The following PCYT1A variants were observed in gnomAD, a reference collection of about 807,000 sequenced individuals.
PCYT1A encodes the protein phosphate cytidylyltransferase 1A, choline.
A neutral mutation model predicts 43.7 loss-of-function variants in PCYT1A; 25 were observed. The observed-to-expected ratio is 0.57, with a 90% CI of 0.42 to 0.80. The LOEUF (loss-of-function observed/expected upper bound fraction) is 0.80. Ranked by LOEUF, PCYT1A falls within the 30% of genes least tolerant of loss-of-function variation. The pLI, the probability that PCYT1A is intolerant of heterozygous loss-of-function variation, is 0.00. For missense variants in PCYT1A, 421 were observed against 474.2 expected (o/e 0.89, Z 1.04); for synonymous variants, 172 against 170.7 (o/e 1.01, Z -0.06).
Position 196,238,878 on chromosome 3 carries a change from T to C in PCYT1A, c.914A>G (p.Glu305Gly). 6.9e-7 allele frequency: 1 copy of C among 1,447,896 alleles called. No homozygotes were observed. The highest frequency in any genetic ancestry group is 9.1e-7 in the Non-Finnish European group (1 of 1,098,650). The allele number at this position is 1,447,896 out of a possible 1,614,324, so 89.7% of individuals were successfully genotyped here. ...GGCCTGCAGCATCCGGCCCTTCCCCTCTTTCAGCATATGTTTCTGCAGAAA... is the reference window on the plus strand; with the variant it reads ...GGCCTGCAGCATCCGGCCCTTCCCCCCTTTCAGCATATGTTTCTGCAGAAA... Reference protein sequence around the residue: ...PEGALKHMLKEGKGRMLQAIS... With the variant: ...PEGALKHMLKGGKGRMLQAIS... Residue 305 changes from glutamate (E) to glycine (G), a missense_variant, in exon 9 of 9, where the codon GAG becomes GGG. By Grantham distance (98) the Glu-to-Gly change is moderately conservative. Around this residue, in one of 3 missense-constraint regions of PCYT1A, gnomAD observed 108 missense variants for 85.7 expected, o/e 1.26. Transcript: ENST00000431016.
At chr3:196,276,710 A>G (rs1725601407) in intron 1 of PCYT1A, among the ~76,000 whole-genome samples, 1 of 152,210 alleles carries the variant, frequency 6.6e-6, no homozygotes, top group South Asian at 2.1e-4. Context: ...TGCTTATGAT[A>G]TAAAAATGCT....
Position 196,259,911 on chromosome 3 carries a change from C to CTTTT in PCYT1A, c.118-2028_118-2025dup, listed in dbSNP as rs779918737. Reference sequence around the variant, plus strand: ...ACTTAATGATATAAATGGAAACATTCTTTTTTTTTTTTTTTTTTTTTTTTT... The same window carrying CTTTT: ...ACTTAATGATATAAATGGAAACATTCTTTTTTTTTTTTTTTTTTTTTTTTTTTTT... On this transcript the variant is annotated intron_variant, in intron 2 of 8. Coordinates refer to ENST00000431016, the MANE Select transcript of PCYT1A (RefSeq NM_001312673.2). Among the ~76,000 whole-genome samples, 32 of 48,962 alleles carry CTTTT rather than the reference C, an allele frequency of 6.5e-4. 2 individuals carry two copies. The highest frequency in any genetic ancestry group is 9.1e-4 in the Non-Finnish European group (24 of 26,410). 32.1% of individuals were successfully genotyped at this position (48,962 alleles called of 152,430 possible). A position where few individuals can be genotyped will look rare whatever the true frequency, so the allele number is the denominator to read the frequency against.
intron 3 of PCYT1A, among the ~76,000 whole-genome samples, chr3:196,249,820 C>T (rs1240458061): frequency 6.6e-6 from 1 of 152,044 alleles, no homozygotes; most frequent in Non-Finnish European, 1.5e-5. Context: ...ACCAGATACA[C>T]TATGCTGAGG....
At chr3:196,253,879 T>C (rs1191670154) in intron 3 of PCYT1A, among the ~76,000 whole-genome samples, 2 of 151,366 alleles carry the variant, frequency 1.3e-5, no homozygotes, top group South Asian at 2.1e-4. Context: ...ATGTATGTTA[T>C]AGTATATATA....
chr3:196,267,388 T>G (rs1008753772), intron 2 of PCYT1A: 2 of 454,218 alleles, frequency 4.4e-6, no homozygotes, highest in African/African-American at 4.0e-5. Context: ...GGGGAGTGAC[T>G]GCTAATGAGT....
chr3:196,243,327 CA>C (rs35854110), intron 5 of PCYT1A: 152 of 131,308 alleles, frequency 1.2e-3, no homozygotes, highest in Middle Eastern at 8.0e-3. Flanking sequence ...GACTCTGTCT[CA>C]AAAAAAAAAA....
chr3:196,280,494 T>C (rs1180515324), intron 1 of PCYT1A, among the ~76,000 whole-genome samples: 2 of 152,046 alleles, frequency 1.3e-5, no homozygotes, highest in Non-Finnish European at 2.9e-5. Context: ...ACAATGTAAA[T>C]ACTATGTAAC....
At position 196,273,037 on chromosome 3, in the gene PCYT1A, G is replaced by A. The variant is rs569924214; in HGVS notation, c.-10-2496C>T. Among the ~76,000 whole-genome samples, 21 of 152,328 alleles carry A rather than the reference G, an allele frequency of 1.4e-4. No individual in the cohort carries two copies. Among genetic ancestry groups the A allele is most frequent in the Admixed American group, 3.3e-4 (5 of 15,294 alleles). On this transcript the variant is annotated intron_variant, in intron 1 of 8. Transcript: ENST00000431016. This position sits in a 1 kb window ranked among gnomAD's most constrained non-coding sequence, Gnocchi z 4.1. ...AGGTGCACAGGCGAGCCAGCACAGG[G>A]TCCGGCCACTGCGCACAGCCAGGCA...
rs1725345080 is a variant in PCYT1A at position 196,268,643 on chromosome 3, T to C, written c.117+1772A>G. Among the ~76,000 whole-genome samples the C allele has an allele frequency of 1.3e-5, 2 of 151,546 alleles. No individual in the cohort carries two copies. The highest frequency in any genetic ancestry group is 2.1e-4 in the South Asian group (1 of 4,804). On this transcript the variant is annotated intron_variant, in intron 2 of 8. Transcript: ENST00000431016. The surrounding 1 kb of genome is among the most constrained non-coding windows in gnomAD (Gnocchi z 4.4). ...CTAAAAATAAAAATAAAAATAAAAA[T>C]AGTAAGCCAGGCATGGTGGTGGGCA...
At chr3:196,246,904 G>A (rs1295865738) in intron 5 of PCYT1A, among the ~76,000 whole-genome samples, 2 of 150,368 alleles carry the variant, frequency 1.3e-5, no homozygotes, top group Non-Finnish European at 3.0e-5. Context: ...AATTTGTGGC[G>A]AGTTCAGTTC....
chr3:196,274,803 G>A (rs1725541141), intron 1 of PCYT1A, among the ~76,000 whole-genome samples: 1 of 152,180 alleles, frequency 6.6e-6, no homozygotes. Flanking sequence ...GACACCCCAT[G>A]AGTCATGGCC....
At chr3:196,280,981 A>G (rs534290708) in intron 1 of PCYT1A, among the ~76,000 whole-genome samples, 26 of 152,330 alleles carry the variant, frequency 1.7e-4, no homozygotes, top group African/African-American at 5.1e-4. Context: ...TTGACCAATT[A>G]CTACAAGGAA....
intron 1 of PCYT1A, among the ~76,000 whole-genome samples, chr3:196,286,728 A>G (rs905488300): frequency 6.6e-6 from 1 of 152,316 alleles, no homozygotes; most frequent in South Asian, 2.1e-4. Flanking sequence ...AGCCTGGCCA[A>G]CATGGAGAAT....
chr3:196,238,833 G>A lies in PCYT1A; in HGVS notation c.959C>T (p.Pro320Leu), dbSNP rs183054905. ...GCGCTCGCGAGTAGGGCTGCTGCTGGGGCTCTGCTTCGGGCTGATGGCCTG... is the reference window on the plus strand; with the variant it reads ...GCGCTCGCGAGTAGGGCTGCTGCTGAGGCTCTGCTTCGGGCTGATGGCCTG... ...MLQAISPKQS[P>L]SSSPTRERSP... The change falls in exon 9 of 9, where the codon CCC becomes CTC. Residue 320 changes from proline (P) to leucine (L), a missense_variant. Coordinates refer to ENST00000431016, the MANE Select transcript of PCYT1A (RefSeq NM_001312673.2). 15 of 1,565,198 alleles carry A rather than the reference G, an allele frequency of 9.6e-6. No homozygotes were observed. The highest frequency in any genetic ancestry group is 1.9e-5 in the Admixed American group (1 of 53,346).
intron 2 of PCYT1A, among the ~76,000 whole-genome samples, chr3:196,265,605 T>C (rs1000256928): frequency 2.0e-5 from 3 of 152,152 alleles, no homozygotes; most frequent in Non-Finnish European, 4.4e-5. Flanking sequence ...TTTCTTTACA[T>C]GCAAGGAAAG....
chr3:196,266,168 G>A (rs534815407), intron 2 of PCYT1A, among the ~76,000 whole-genome samples: 3 of 151,994 alleles, frequency 2.0e-5, no homozygotes, highest in Non-Finnish European at 4.4e-5. Context: ...TGCCATACTA[G>A]CGCATTGTAA....
chr3:196,263,412 CT>C (rs1012577118), intron 2 of PCYT1A, among the ~76,000 whole-genome samples: 7 of 152,150 alleles, frequency 4.6e-5, no homozygotes, highest in South Asian at 2.1e-4. Flanking sequence ...GGGACAGTGT[CT>C]CTCTATAATG....
intron 2 of PCYT1A, among the ~76,000 whole-genome samples, chr3:196,263,834 A>T (rs1725188784): frequency 6.6e-6 from 1 of 151,928 alleles, no homozygotes. Context: ...GGGTTTCACC[A>T]TGTTGGCCAG....
chr3:196,250,094 G>A (rs1724703527), intron 3 of PCYT1A, among the ~76,000 whole-genome samples: 1 of 149,036 alleles, frequency 6.7e-6, no homozygotes, highest in Non-Finnish European at 1.5e-5. Flanking sequence ...CCATGCCGAG[G>A]CTGAGGACCA....
Sources: gnomAD v4.1 joint callset for allele counts (sites outside exome capture counted in the v4.1 genomes callset) on GRCh38, gnomAD v4.1.1 for gene constraint, gnomAD v4.1.1 regional missense constraint, Gnocchi (gnomAD v3.1) non-coding constraint, MANE v1.5 for transcripts, NCBI Gene and HGNC (gene_info 2026-07-23, HGNC 2026-07-21) for gene names.